GPATCH3: variants seen among roughly 807,000 people sequenced by gnomAD.
GPATCH3 encodes the protein G-patch domain containing 3.
In GPATCH3, 45 loss-of-function variants were observed where a neutral mutation model predicts 53.2. The ratio of observed to expected loss-of-function variants is 0.85; its 90% confidence interval spans 0.67 to 1.08. The LOEUF (loss-of-function observed/expected upper bound fraction) is 1.08. Ranked by LOEUF, GPATCH3 falls within the 50% of genes least tolerant of loss-of-function variation. GPATCH3 has a pLI of 0.00. For synonymous variants in GPATCH3, 280 were observed against 270.6 expected, an observed-to-expected ratio of 1.03 and a Z score of -0.34; for missense variants, 680 against 687.2, an observed-to-expected ratio of 0.99 and a Z score of 0.12.
chr1:26,897,420 T>G lies in GPATCH3; in HGVS notation c.757A>C (p.Thr253Pro), dbSNP rs1297913637. ...ETVEQEELVY[T>P]AEGEEIPQGT... Reference sequence around the variant, plus strand: ...TGGGGTATTTCTTCACCCTCTGCTGTATACACAAGCTCTTCCTGCTCCACA... The same window carrying G: ...TGGGGTATTTCTTCACCCTCTGCTGGATACACAAGCTCTTCCTGCTCCACA... Residue 253 changes from threonine (T) to proline (P), a missense_variant, in exon 2 of 7, where the codon ACA (threonine) becomes CCA (proline). Thr to Pro is a conservative substitution (Grantham distance 38, BLOSUM62 -1). Transcript: ENST00000361720. 1.2e-6 allele frequency: 2 copies of G among 1,614,068 alleles called. No homozygotes were observed. Among genetic ancestry groups the G allele is most frequent in the Admixed American group, 3.3e-5 (2 of 59,992 alleles).
chr1:26,900,178 G>A lies in GPATCH3; in HGVS notation c.265C>T (p.Leu89Phe). ...ATTGGAGTAGAGTCTCGAGTGGAGA[G>A]AGGCCGGACATCGGTGGCCGAAGTC... ...SQTSATDVRP[L>F]STRDSTPIQT... Residue 89 changes from leucine to phenylalanine, a missense_variant, in exon 1 of 7, where the codon CTC (leucine) becomes TTC (phenylalanine). By Grantham distance (22) the Leu-to-Phe change is conservative. Coordinates refer to ENST00000361720, the MANE Select transcript of GPATCH3 (RefSeq NM_022078.3). 6.2e-7 allele frequency: 1 copy of A among 1,614,162 alleles called. No homozygotes were observed. The highest frequency in any genetic ancestry group is 8.5e-7 in the Non-Finnish European group (1 of 1,180,046).
At chr1:26,895,869 A>C (rs934054336) in intron 2 of GPATCH3, among the ~76,000 whole-genome samples, 7 of 152,240 alleles carry the variant, frequency 4.6e-5, no homozygotes, top group Non-Finnish European at 1.0e-4. Flanking sequence ...ACCTCAAATG[A>C]TCCACCCATC....
In GPATCH3 at chr1:26,897,627, G is replaced by T; in HGVS notation, c.550C>A (p.Leu184Met). 1 of 1,614,196 alleles carries T rather than the reference G, an allele frequency of 6.2e-7. No homozygotes were observed. The highest frequency in any genetic ancestry group is 2.2e-5 in the East Asian group (1 of 44,886). ...CTGGGCATCAGCACTGGTGGGTTCA[G>T]CTCCGGCAGTTGCTTCAGGTCAGCC... Reference protein sequence around the residue: ...TLADLKQLPELNPPVLMPRGN... With the variant: ...TLADLKQLPEMNPPVLMPRGN... Residue 184 changes from leucine (L) to methionine (M), a missense_variant, in exon 2 of 7, where the codon CTG becomes ATG. Physicochemically the swap from Leu to Met is conservative, Grantham distance 15. Transcript: ENST00000361720.
chr1:26,894,360 G>A lies in GPATCH3; in HGVS notation c.927C>T (p.Asp309=), dbSNP rs751224352. 24 of 1,614,034 alleles carry A rather than the reference G, an allele frequency of 1.5e-5. No homozygotes were observed. In the East Asian group the frequency reaches 3.1e-4, roughly 21 times the overall value. ...CAGTGGTCCGCTCCTGCCCGGTCACGTCCTCATGCAGCGCTTCATGCCGTT... is the reference window on the plus strand; with the variant it reads ...CAGTGGTCCGCTCCTGCCCGGTCACATCCTCATGCAGCGCTTCATGCCGTT... ...EWERHEALHE[D]VTGQERTTEQ... Residue 309 remains aspartate, a synonymous_variant, in exon 3 of 7, where the codon GAC becomes GAT. Transcript: ENST00000361720.
chr1:26,896,353 C>T (rs904226302), intron 2 of GPATCH3, among the ~76,000 whole-genome samples: 9 of 150,956 alleles, frequency 6.0e-5, no homozygotes, highest in African/African-American at 2.2e-4. Context: ...ACCTCCGCCT[C>T]CTGGGTTCAA....
At position 26,890,832 on chromosome 1, in the gene GPATCH3, G is replaced by A. The variant is rs758615985; in HGVS notation, c.*178C>T. 7 of 782,396 alleles carry A rather than the reference G, an allele frequency of 8.9e-6. No homozygotes were observed. The Admixed American group carries it at 1.2e-4, about 13-fold the overall frequency. The allele number at this position is 782,396 out of a possible 1,614,324, so 48.5% of individuals were successfully genotyped here. A position where few individuals can be genotyped will look rare whatever the true frequency, so the allele number is the denominator to read the frequency against. ...ATATCCAAGGGGAGGGGACGGGAGGGGGCTTTTTGTAAAAATGCCCCTGAG... is the reference window on the plus strand; with the variant it reads ...ATATCCAAGGGGAGGGGACGGGAGGAGGCTTTTTGTAAAAATGCCCCTGAG... On this transcript the variant is annotated 3_prime_UTR_variant, in exon 7 of 7. Transcript: ENST00000361720.
rs1408216630 is a variant in GPATCH3 at position 26,890,921 on chromosome 1, G to A, written c.*89C>T. ...CCCTGAACCAGCCACGAAGACTGCT[G>A]CTCCCAGACTCCTTTCTGCTTCAGT... On this transcript the variant is annotated 3_prime_UTR_variant, in exon 7 of 7. Coordinates refer to ENST00000361720, the MANE Select transcript of GPATCH3 (RefSeq NM_022078.3). The A allele has an allele frequency of 9.8e-6, 12 of 1,226,968 alleles. No homozygotes were observed. The highest frequency in any genetic ancestry group is 1.3e-5 in the Non-Finnish European group (11 of 828,348). The allele number at this position is 1,226,968 out of a possible 1,614,324, so 76.0% of individuals were successfully genotyped here. A position where few individuals can be genotyped will look rare whatever the true frequency, so the allele number is the denominator to read the frequency against.
intron 2 of GPATCH3, among the ~76,000 whole-genome samples, chr1:26,895,605 G>A (rs1158247844): frequency 6.6e-6 from 1 of 151,224 alleles, no homozygotes; most frequent in Non-Finnish European, 1.5e-5. Context: ...ACCACACTAG[G>A]GATGTGGTCC....
chr1:26,894,381 C>T lies in GPATCH3; in HGVS notation c.906G>A (p.Arg302=). 3.1e-6 allele frequency: 5 copies of T among 1,614,088 alleles called. No homozygotes were observed. Among genetic ancestry groups the T allele is most frequent in the East Asian group, 2.2e-5 (1 of 44,862 alleles). Residue 302 remains arginine, a synonymous_variant, in exon 3 of 7, where the codon CGG becomes CGA. Transcript: ENST00000361720. ...EDDDRGEEWE[R]HEALHEDVTG... is the part of the protein sequence containing the mutation. ...TCACGTCCTCATGCAGCGCTTCATG[C>T]CGTTCCCATTCCTCACCCCGGTCAT...
intron 4 of GPATCH3, 63 bp from the exon 5 acceptor site, chr1:26,892,854 T>C: frequency 6.3e-7 from 1 of 1,585,484 alleles, no homozygotes; most frequent in Non-Finnish European, 8.6e-7. Context: ...GAATCAGGTT[T>C]CTAGGACCCC....
chr1:26,890,597 AC>A lies in GPATCH3; in HGVS notation c.*412del, dbSNP rs2081919303. ...TGAGGGTAGAGGCGGTGGAGGGCCC[AC>A]CCAAGGCCGGCTCTTCCAAGCACCA... On this transcript the variant is annotated 3_prime_UTR_variant, in exon 7 of 7. Coordinates refer to ENST00000361720, the MANE Select transcript of GPATCH3 (RefSeq NM_022078.3). 2.7e-6 allele frequency: 1 copy of A among 369,726 alleles called. No individual in the cohort carries two copies. The highest frequency in any genetic ancestry group is 2.3e-5 in the South Asian group (1 of 43,782). 22.9% of individuals were successfully genotyped at this position (369,726 alleles called of 1,614,324 possible). A position where few individuals can be genotyped will look rare whatever the true frequency, so the allele number is the denominator to read the frequency against.
intron 3 of GPATCH3, 61 bp downstream of exon 3, chr1:26,894,175 A>G: frequency 1.3e-6 from 2 of 1,544,198 alleles, no homozygotes; most frequent in Non-Finnish European, 1.8e-6. Flanking sequence ...CGTGTGGAAC[A>G]GGGAACCCCA....
rs371925832 is a variant in GPATCH3 at position 26,892,735 on chromosome 1, G to A, written c.1168C>T (p.Arg390Ter). ...ACAGAGCCATCTTCCTGTCCATCTCGGAGTCTCTGTTCCAGACGCATTTGG... is the reference window on the plus strand; with the variant it reads ...ACAGAGCCATCTTCCTGTCCATCTCAGAGTCTCTGTTCCAGACGCATTTGG... ...SVQMRLEQRL[R>*]DGQEDGSVIE... The change falls in exon 5 of 7, where the codon CGA becomes TGA. Residue 390 changes from arginine to a stop codon, truncating the protein, a stop_gained. Transcript: ENST00000361720. LOFTEE classifies it high-confidence loss of function. 44 of 1,614,164 alleles carry A rather than the reference G, an allele frequency of 2.7e-5. 1 individual carries two copies. Among genetic ancestry groups the A allele is most frequent in the East Asian group, 1.3e-4 (6 of 44,888 alleles).
At position 26,897,309 on chromosome 1, in the gene GPATCH3, A is replaced by C. The variant is rs2081955277; in HGVS notation, c.868T>G (p.Ser290Ala). 6.2e-7 allele frequency: 1 copy of C among 1,613,942 alleles called. No homozygotes were observed. The highest frequency in any genetic ancestry group is 8.5e-7 in the Non-Finnish European group (1 of 1,179,914). The change falls in exon 2 of 7, where the codon TCA becomes GCA. Residue 290 changes from serine (S) to alanine (A), a missense_variant. By Grantham distance (99) the Ser-to-Ala change is moderately conservative (BLOSUM62 1). Transcript: ENST00000361720. ...TAGCACACTGTACTCACCTCATCTG[A>C]GTGAGACTCTTCTTCCTCTTCCTTC... ...VGKEEEEESH[S>A]DEDDDRGEEW...
At chr1:26,894,193 G>T in intron 3 of GPATCH3, 43 bp downstream of exon 3, 1 of 1,583,144 alleles carries the variant, frequency 6.3e-7, no homozygotes, top group Non-Finnish European at 8.6e-7. Context: ...CCAAAAGAAT[G>T]CAGCAGGGGT....
In GPATCH3 at chr1:26,897,535, C is replaced by A. The variant is rs764854944; in HGVS notation, c.642G>T (p.Arg214=). 3.6e-5 allele frequency: 58 copies of A among 1,614,074 alleles called. No homozygotes were observed. The highest frequency in any genetic ancestry group is 4.6e-5 in the Non-Finnish European group (54 of 1,180,050). ...ACTGGAGCTGCAGCTGGGTGATGAT[C>A]CGAGGGGGTAGGCGGCAGGCCCGGA... ...ELIRACRLPP[R]IITQLQLQFP... is the part of the protein sequence containing the mutation. Residue 214 remains arginine, a synonymous_variant, in exon 2 of 7, where the codon CGG becomes CGT. Coordinates refer to ENST00000361720, the MANE Select transcript of GPATCH3 (RefSeq NM_022078.3).
At chr1:26,899,812 G>A (rs751686200) in intron 1 of GPATCH3, among the ~76,000 whole-genome samples, 180 bp downstream of exon 1, 2 of 152,164 alleles carry the variant, frequency 1.3e-5, no homozygotes, top group Admixed American at 6.5e-5. Context: ...AAGCCTCTCC[G>A]GTTTATTTTT....
rs748658914 is a variant in GPATCH3 at position 26,894,290 on chromosome 1, C to G, written c.997G>C (p.Gly333Arg). The G allele has an allele frequency of 6.8e-6, 11 of 1,614,136 alleles. No individual in the cohort carries two copies. The Admixed American group carries it at 1.2e-4, about 17-fold the overall frequency. The change falls in exon 3 of 7, where the codon GGC (glycine) becomes CGC (arginine). Residue 333 changes from glycine to arginine, a missense_variant. By Grantham distance (125) the Gly-to-Arg change is moderately radical. Coordinates refer to ENST00000361720, the MANE Select transcript of GPATCH3 (RefSeq NM_022078.3). ...TCAGTATAAAACACCAGGCCAGAGC[C>G]ACCCTTCTCCCACTTGAGCTCAATC... ...EEIELKWEKG[G>R]SGLVFYTDAQ... is the part of the protein sequence containing the mutation.
chr1:26,892,843 AG>A, intron 4 of GPATCH3, 52 bp from the exon 5 acceptor site: 1 of 1,599,300 alleles, frequency 6.3e-7, no homozygotes, highest in Non-Finnish European at 8.6e-7. Context: ...AGAAGGGGGA[AG>A]AATCAGGTTT....
Sources: gnomAD v4.1 joint callset for allele counts (sites outside exome capture counted in the v4.1 genomes callset) on GRCh38, gnomAD v4.1.1 for gene constraint, MANE v1.5 for transcripts, NCBI Gene and HGNC (gene_info 2026-07-23, HGNC 2026-07-21) for gene names.